ALPI: variants seen among roughly 807,000 people sequenced by gnomAD.
ALPI encodes the protein intestinal-type alkaline phosphatase.
ALPI carries 50 observed loss-of-function variants against 51.5 expected under a neutral mutation model. That is an observed-to-expected ratio of 0.97 (90% confidence interval 0.77 to 1.23). The LOEUF is 1.23. ALPI is among the 50% of genes most tolerant of loss of function. ALPI has a pLI of 0.00. For missense variants in ALPI, 692 were observed against 722.4 expected, an observed-to-expected ratio of 0.96 and a Z score of 0.48; for synonymous variants, 322 against 308.2, an observed-to-expected ratio of 1.04 and a Z score of -0.47.
chr2:232,456,958 C>G lies in ALPI; in HGVS notation c.360C>G (p.Cys120Trp), dbSNP rs770379151. 1 of 1,613,724 alleles carries G rather than the reference C, an allele frequency of 6.2e-7. No homozygotes were observed. Among genetic ancestry groups the G allele is most frequent in the Non-Finnish European group, 8.5e-7 (1 of 1,180,014 alleles). Residue 120 changes from cysteine to tryptophan, a missense_variant, in exon 4 of 11, where the codon TGC becomes TGG. Cys to Trp is a radical substitution (Grantham distance 215). Transcript: ENST00000295463. The surrounding 1 kb of genome is among the most constrained non-coding windows in gnomAD (Gnocchi z 4.2). ...CAGCCACAGCCACGGCCTACCTGTGCGGGGTCAAGGCCAACTTCCAGACCA... is the reference window on the plus strand; with the variant it reads ...CAGCCACAGCCACGGCCTACCTGTGGGGGGTCAAGGCCAACTTCCAGACCA... ...DSAATATAYL[C>W]GVKANFQTIG...
Position 232,457,684 on chromosome 2 carries a change from G to A in ALPI, c.768G>A (p.Trp256Ter). The A allele has an allele frequency of 1.2e-6, 2 of 1,613,018 alleles. No individual in the cohort carries two copies. The highest frequency in any genetic ancestry group is 1.7e-6 in the Non-Finnish European group (2 of 1,179,214). ...ACGGGAAGAACCTGGTGCAGGAATG[G>A]CTGGCAAAGCACCAGGTGATGGGGG... ...RLDGKNLVQE[W>*]LAKHQGAWYV... The change falls in exon 6 of 11, where the codon TGG becomes TGA. Residue 256 changes from tryptophan to a stop codon, truncating the protein, a stop_gained. Coordinates refer to ENST00000295463, the MANE Select transcript of ALPI (RefSeq NM_001631.5). LOFTEE classifies it high-confidence loss of function. This position sits in a 1 kb window ranked among gnomAD's most constrained non-coding sequence, Gnocchi z 4.7.
chr2:232,458,001 T>G lies in ALPI; in HGVS notation c.860T>G (p.Leu287Arg). 2 of 1,613,336 alleles carry G rather than the reference T, an allele frequency of 1.2e-6. No homozygotes were observed. Among genetic ancestry groups the G allele is most frequent in the South Asian group, 2.2e-5 (2 of 91,024 alleles). ...CACCAAGCTCCTTGTCCCACAGGCC[T>G]CTTTGAGCCCGGAGACACGAAATAT... Reference protein sequence around the residue: ...LDQSVTHLMGLFEPGDTKYEI... With the variant: ...LDQSVTHLMGRFEPGDTKYEI... Residue 287 changes from leucine to arginine, a missense_variant, in exon 8 of 11, where the codon CTC (leucine) becomes CGC (arginine). Coordinates refer to ENST00000295463, the MANE Select transcript of ALPI (RefSeq NM_001631.5).
Position 232,458,081 on chromosome 2 carries a change from G to A in ALPI, c.940G>A (p.Ala314Thr), listed in dbSNP as rs949484414. 2.2e-5 allele frequency: 35 copies of A among 1,614,030 alleles called. No individual in the cohort carries two copies. Among genetic ancestry groups the A allele is most frequent in the Non-Finnish European group, 2.7e-5 (32 of 1,179,988 alleles). ...DPSLMEMTEA[A>T]LRLLSRNPRG... ...CTCCCTGATGGAGATGACAGAGGCTGCCCTGCGCCTGCTGAGCAGGAACCC... is the reference window on the plus strand; with the variant it reads ...CTCCCTGATGGAGATGACAGAGGCTACCCTGCGCCTGCTGAGCAGGAACCC... Residue 314 changes from alanine to threonine, a missense_variant, in exon 8 of 11, where the codon GCC (alanine) becomes ACC (threonine). Physicochemically the swap from Ala to Thr is moderately conservative, Grantham distance 58. Transcript: ENST00000295463.
rs188822313 is a variant in ALPI at position 232,457,264 on chromosome 2, C to T, written c.590C>T (p.Ala197Val). ...WYSDADMPASARQEGCQDIAT... is the reference protein window; with the variant it reads ...WYSDADMPASVRQEGCQDIAT... ...TCAGATGCTGACATGCCTGCCTCAG[C>T]CCGCCAGGAGGGGTGCCAGGACATC... The change falls in exon 5 of 11, where the codon GCC becomes GTC. Residue 197 changes from alanine (A) to valine (V), a missense_variant. Ala to Val is a moderately conservative substitution (Grantham distance 64, BLOSUM62 0). Coordinates refer to ENST00000295463, the MANE Select transcript of ALPI (RefSeq NM_001631.5). The surrounding 1 kb of genome is among the most constrained non-coding windows in gnomAD (Gnocchi z 4.7). 1.8e-5 allele frequency: 29 copies of T among 1,613,392 alleles called. No homozygotes were observed. In the African/African-American group the frequency reaches 3.5e-4, roughly 19 times the overall value.
chr2:232,458,787 T>G, intron 10 of ALPI, 39 bp downstream of exon 10: 4 of 1,611,996 alleles, frequency 2.5e-6, no homozygotes, highest in Non-Finnish European at 3.4e-6. Context: ...GGGACCAGGG[T>G]GCCAGGGATG....
chr2:232,457,156 C>G lies in ALPI; in HGVS notation c.482C>G (p.Ser161Ter). ...VMNRAKQAGKSVGVVTTTRVQ... is the reference protein window; with the variant it reads ...VMNRAKQAGK Reference sequence around the variant, plus strand: ...TGACCTCTGTCACCCTCAGGAAAGTCAGTAGGAGTGGTGACCACCACACGG... The same window carrying G: ...TGACCTCTGTCACCCTCAGGAAAGTGAGTAGGAGTGGTGACCACCACACGG... Residue 161 changes from serine to a stop codon, truncating the protein, a stop_gained, in exon 5 of 11, where the codon TCA (serine) becomes TGA (stop). Transcript: ENST00000295463. LOFTEE classifies it high-confidence loss of function. This position sits in a 1 kb window ranked among gnomAD's most constrained non-coding sequence, Gnocchi z 4.7. The G allele has an allele frequency of 6.2e-7, 1 of 1,613,532 alleles. No homozygotes were observed. Among genetic ancestry groups the G allele is most frequent in the Non-Finnish European group, 8.5e-7 (1 of 1,180,030 alleles).
In ALPI at chr2:232,458,124, T is replaced by G. The variant is rs1457721888; in HGVS notation, c.983T>G (p.Phe328Cys). 1 of 1,613,716 alleles carries G rather than the reference T, an allele frequency of 6.2e-7. No homozygotes were observed. Among genetic ancestry groups the G allele is most frequent in the Admixed American group, 1.7e-5 (1 of 59,976 alleles). ...AGGAACCCCCGCGGCTTCTACCTCTTTGTGGAGGGTGCGTGGTGGCCCCTG... is the reference window on the plus strand; with the variant it reads ...AGGAACCCCCGCGGCTTCTACCTCTGTGTGGAGGGTGCGTGGTGGCCCCTG... ...LSRNPRGFYL[F>C]VEGGRIDHGH... The change falls in exon 8 of 11, where the codon TTT becomes TGT. Residue 328 changes from phenylalanine to cysteine, a missense_variant. Transcript: ENST00000295463.
chr2:232,458,769 C>G (rs751654749), intron 10 of ALPI, 21 bp downstream of exon 10: 36 of 1,613,190 alleles, frequency 2.2e-5, no homozygotes, highest in Non-Finnish European at 2.7e-5. Flanking sequence ...CTGAATGGCC[C>G]GTGCAGGGGG....
In ALPI at chr2:232,458,401, C is replaced by A; in HGVS notation, c.1176C>A (p.Ser392=). 1 of 1,612,972 alleles carries A rather than the reference C, an allele frequency of 6.2e-7. No individual in the cohort carries two copies. Among genetic ancestry groups the A allele is most frequent in the Non-Finnish European group, 8.5e-7 (1 of 1,179,510 alleles). ...SFGGYTLRGS[S]IFGLAPSKAQ... ...GTGGCTACACCTTGCGAGGGAGCTC[C>A]ATCTTCGGTAGGCCTGGGGAGAGTG... is the stretch of plus-strand genomic sequence containing the variant. Residue 392 remains serine, a synonymous_variant, in exon 9 of 11, where the codon TCC becomes TCA. Coordinates refer to ENST00000295463, the MANE Select transcript of ALPI (RefSeq NM_001631.5).
Position 232,458,670 on chromosome 2 carries a change from A to G in ALPI, c.1222A>G (p.Thr408Ala), listed in dbSNP as rs1690247925. 3 of 1,613,838 alleles carry G rather than the reference A, an allele frequency of 1.9e-6. No individual in the cohort carries two copies. Among genetic ancestry groups the G allele is most frequent in the Non-Finnish European group, 2.5e-6 (3 of 1,180,024 alleles). ...CAAGGCTCAGGACAGCAAAGCCTAC[A>G]CGTCCATCCTGTACGGCAATGGCCC... ...PSKAQDSKAYTSILYGNGPGY... is the reference protein window; with the variant it reads ...PSKAQDSKAYASILYGNGPGY... Residue 408 changes from threonine (T) to alanine (A), a missense_variant, in exon 10 of 11, where the codon ACG (threonine) becomes GCG (alanine). Physicochemically the swap from Thr to Ala is moderately conservative, Grantham distance 58 (BLOSUM62 0). Transcript: ENST00000295463.
rs376013944 is a variant in ALPI, at chr2:232,457,979, C to T, written c.857-19C>T. ...CCGCTCACAGCCTGCCAATCACCAC[C>T]AAGCTCCTTGTCCCACAGGCCTCTT... On this transcript the variant is annotated intron_variant, in intron 7 of 10. Transcript: ENST00000295463. This position sits in a 1 kb window ranked among gnomAD's most constrained non-coding sequence, Gnocchi z 4.7. 1.9e-5 allele frequency: 30 copies of T among 1,613,228 alleles called. No homozygotes were observed. Among genetic ancestry groups the T allele is most frequent in the Non-Finnish European group, 2.4e-5 (28 of 1,179,484 alleles).
rs1205512636 is a variant in ALPI, at chr2:232,459,002, G to A, written c.1443G>A (p.Met481Ile). ...AGCAGAGCTTCGTAGCGCATGTCAT[G>A]GCCTTCGCTGCCTGTCTGGAGCCCT... is the stretch of plus-strand genomic sequence containing the variant. ...VQEQSFVAHVMAFAACLEPYT... is the reference protein window; with the variant it reads ...VQEQSFVAHVIAFAACLEPYT... Residue 481 changes from methionine (M) to isoleucine (I), a missense_variant, in exon 11 of 11, where the codon ATG (methionine) becomes ATA (isoleucine). By Grantham distance (10) the Met-to-Ile change is conservative. Transcript: ENST00000295463. 5.1e-6 allele frequency: 8 copies of A among 1,572,396 alleles called. No homozygotes were observed. The highest frequency in any genetic ancestry group is 6.9e-6 in the Non-Finnish European group (8 of 1,159,446).
rs1690217871 is a variant in ALPI at position 232,457,478 on chromosome 2, T to G, written c.649-87T>G. On this transcript the variant is annotated intron_variant, in intron 5 of 10. Coordinates refer to ENST00000295463, the MANE Select transcript of ALPI (RefSeq NM_001631.5). The surrounding 1 kb of genome is among the most constrained non-coding windows in gnomAD (Gnocchi z 4.7). ...ACAGGCTGGGCCATTCCCACAGCCC[T>G]GGGGAGGGGAGCCAGGGGCTATGCA... 1.9e-6 allele frequency: 3 copies of G among 1,545,858 alleles called. No homozygotes were observed. Among genetic ancestry groups the G allele is most frequent in the Non-Finnish European group, 2.6e-6 (3 of 1,147,372 alleles).
rs138329965 is a variant in ALPI, at chr2:232,458,390, C to A, written c.1165C>A (p.Arg389=). Residue 389 remains arginine, a synonymous_variant, in exon 9 of 11, where the codon CGA becomes AGA. Transcript: ENST00000295463. ...HVFSFGGYTL[R]GSSIFGLAPS... ...CTTCTCCTTTGGTGGCTACACCTTG[C>A]GAGGGAGCTCCATCTTCGGTAGGCC... is the stretch of plus-strand genomic sequence containing the variant. 6.2e-7 allele frequency: 1 copy of A among 1,613,372 alleles called. No individual in the cohort carries two copies. Among genetic ancestry groups the A allele is most frequent in the Non-Finnish European group, 8.5e-7 (1 of 1,179,740 alleles).
chr2:232,457,994 A>G lies in ALPI; in HGVS notation c.857-4A>G, dbSNP rs1182011832. 6.2e-7 allele frequency: 1 copy of G among 1,613,206 alleles called. No individual in the cohort carries two copies. The highest frequency in any genetic ancestry group is 2.2e-5 in the East Asian group (1 of 44,848). On this transcript the variant is annotated splice_region_variant and splice_polypyrimidine_tract_variant and intron_variant, in intron 7 of 10. Transcript: ENST00000295463. The surrounding 1 kb of genome is among the most constrained non-coding windows in gnomAD (Gnocchi z 4.7). ...CAATCACCACCAAGCTCCTTGTCCC[A>G]CAGGCCTCTTTGAGCCCGGAGACAC... is the stretch of plus-strand genomic sequence containing the variant.
Position 232,459,401 on chromosome 2 carries a change from T to G in ALPI, c.*255T>G. 9.8e-6 allele frequency: 5 copies of G among 507,648 alleles called. No homozygotes were observed. The highest frequency in any genetic ancestry group is 3.4e-5 in the Admixed American group (1 of 29,116). The allele number at this position is 507,648 out of a possible 1,614,324, so 31.4% of individuals were successfully genotyped here. A position where few individuals can be genotyped will look rare whatever the true frequency, so the allele number is the denominator to read the frequency against. On this transcript the variant is annotated 3_prime_UTR_variant, in exon 11 of 11. Transcript: ENST00000295463. ...CTCCCCTCAGGTTGTTCTCTGATTC[T>G]TCCTCCCAACCCCAGAGACTGCAGA...
chr2:232,456,304 C>G lies in ALPI; in HGVS notation c.67+38C>G, dbSNP rs959965735. The G allele has an allele frequency of 6.2e-7, 1 of 1,614,096 alleles. No individual in the cohort carries two copies. ...CCCAAGCTGTTCCACACACAGGGCA[C>G]CCCCTCAGCCAGGCTGACCTGATCT... On this transcript the variant is annotated intron_variant, in intron 1 of 10. Transcript: ENST00000295463. This position sits in a 1 kb window ranked among gnomAD's most constrained non-coding sequence, Gnocchi z 4.2.
chr2:232,459,209 G>A lies in ALPI; in HGVS notation c.*63G>A. 2.0e-6 allele frequency: 3 copies of A among 1,480,552 alleles called. No homozygotes were observed. Among genetic ancestry groups the A allele is most frequent in the Non-Finnish European group, 2.7e-6 (3 of 1,120,484 alleles). 91.7% of individuals were successfully genotyped at this position (1,480,552 alleles called of 1,614,324 possible). ...GGCGTCCTGCCCTGTTCCCCGTCCT[G>A]AGCCGCCACTTCCAGCGAACACACA... On this transcript the variant is annotated 3_prime_UTR_variant, in exon 11 of 11. Transcript: ENST00000295463.
rs373181319 is a variant in ALPI, at chr2:232,457,552, C to G, written c.649-13C>G. ...CAGGCCCCCAAACCACCTGCCCCAT[C>G]CATTGTCCTCAGGTGATCCTTGGCG... On this transcript the variant is annotated splice_polypyrimidine_tract_variant and intron_variant, in intron 5 of 10. Transcript: ENST00000295463. This position sits in a 1 kb window ranked among gnomAD's most constrained non-coding sequence, Gnocchi z 4.7. The G allele has an allele frequency of 2.3e-5, 37 of 1,597,850 alleles. No homozygotes were observed. The Admixed American group carries it at 3.3e-4, about 14-fold the overall frequency.
Sources: gnomAD v4.1 joint callset for allele counts on GRCh38, gnomAD v4.1.1 for gene constraint, Gnocchi (gnomAD v3.1) non-coding constraint, MANE v1.5 for transcripts, NCBI Gene and HGNC (gene_info 2026-07-23, HGNC 2026-07-21) for gene names.